SLA: variants seen among roughly 807,000 people sequenced by gnomAD.
The protein encoded by SLA is src-like-adapter.
A neutral mutation model predicts 30.3 loss-of-function variants in SLA; 16 were observed. That is an observed-to-expected ratio of 0.53 (90% CI 0.36 to 0.80). SLA has a LOEUF of 0.80. Ranked by LOEUF, SLA falls within the 30% of genes least tolerant of loss-of-function variation. The probability of loss-of-function intolerance (pLI) is 0.01; values close to 1 mark genes in which losing one functional copy is unlikely to be tolerated. For missense variants in SLA, 310 were observed against 345.2 expected (o/e 0.90, Z 0.81); for synonymous variants, 143 against 137.8 (o/e 1.04, Z -0.26).
At chr8:133,091,994 T>G (rs1382716453) in intron 1 of SLA, among the ~76,000 whole-genome samples, 1 of 152,202 alleles carries the variant, frequency 6.6e-6, no homozygotes, top group Non-Finnish European at 1.5e-5. Flanking sequence ...TGTCAGTGTC[T>G]GTGTGTGTCC....
At chr8:133,081,366 T>C (rs1189114716) in intron 1 of SLA, among the ~76,000 whole-genome samples, 1 of 152,254 alleles carries the variant, frequency 6.6e-6, no homozygotes, top group Non-Finnish European at 1.5e-5. Flanking sequence ...ACTTTTCACC[T>C]CTGGGGAAGA....
intron 2 of SLA, among the ~76,000 whole-genome samples, chr8:133,071,417 G>A (rs1844011831): frequency 6.6e-6 from 1 of 152,216 alleles, no homozygotes; most frequent in Non-Finnish European, 1.5e-5. Flanking sequence ...GGGATGGAGG[G>A]CAGCTTAAAG....
chr8:133,071,116 C>G (rs1191084090), intron 2 of SLA, among the ~76,000 whole-genome samples: 1 of 152,194 alleles, frequency 6.6e-6, no homozygotes, highest in Non-Finnish European at 1.5e-5. Flanking sequence ...CAGATTGGTG[C>G]CGTCCCTTGA....
intron 1 of SLA, among the ~76,000 whole-genome samples, chr8:133,092,990 A>G (rs1847803046): frequency 6.6e-6 from 1 of 152,166 alleles, no homozygotes; most frequent in Non-Finnish European, 1.5e-5. Flanking sequence ...CGAAGGAAAT[A>G]TTGAAACCGT....
intron 1 of SLA, among the ~76,000 whole-genome samples, chr8:133,075,748 C>G (rs569475121): frequency 6.6e-6 from 1 of 152,102 alleles, no homozygotes; most frequent in East Asian, 1.9e-4. Flanking sequence ...AAACCACAAT[C>G]ATTGTGGCAC....
chr8:133,076,622 T>G (rs538280224), intron 1 of SLA: 1 of 152,266 alleles, frequency 6.6e-6, no homozygotes, highest in East Asian at 1.9e-4. Flanking sequence ...GTCAGAGGTA[T>G]GAGTTTTGTG....
intron 7 of SLA, among the ~76,000 whole-genome samples, chr8:133,040,641 A>C (rs1564103967): frequency 6.6e-6 from 1 of 152,102 alleles, no homozygotes; most frequent in Non-Finnish European, 1.5e-5. Flanking sequence ...ATAGATCTCT[A>C]GGAAGAAAGA....
At position 133,040,127 on chromosome 8, in the gene SLA, A is replaced by T; in HGVS notation, c.488T>A (p.Val163Glu). 6.3e-7 allele frequency: 1 copy of T among 1,577,580 alleles called. No individual in the cohort carries two copies. The highest frequency in any genetic ancestry group is 8.6e-7 in the Non-Finnish European group (1 of 1,161,846). The part of the protein sequence containing the change: ...LEDLVNHYSE[V>E]ADGLCCVLTT... ...GAGCACACAGCACAGGCCATCAGCC[A>T]CCTCTGAGGAGGGAAGCAGACAGCC... The change falls in exon 8 of 9, where the codon GTG becomes GAG. Residue 163 changes from valine to glutamate, a missense_variant. Coordinates refer to ENST00000338087, the MANE Select transcript of SLA (RefSeq NM_001045556.3).
At chr8:133,042,678 CTTTTTTTTTTTTTTTTTTTT>C (rs58739514) in intron 7 of SLA, among the ~76,000 whole-genome samples, 1 of 56,732 alleles carries the variant, frequency 1.8e-5, no homozygotes, top group Non-Finnish European at 3.2e-5. Flanking sequence ...CATTCTGTGT[CTTTTTTTTTTTTTTTTTTTT>C]TTTTTTTTTT....
chr8:133,102,335 G>T, intron 1 of SLA: 1 of 494,286 alleles, frequency 2.0e-6, no homozygotes, highest in Non-Finnish European at 3.7e-6. Flanking sequence ...CAGCTTCCCA[G>T]GGAAGTCACG....
chr8:133,054,996 AT>A, intron 3 of SLA, among the ~76,000 whole-genome samples: 1 of 152,300 alleles, frequency 6.6e-6, no homozygotes, highest in Admixed American at 6.5e-5. Context: ...CCTACAGAAA[AT>A]ACGTGATTAT....
chr8:133,048,674 A>C (rs774450516), intron 5 of SLA: 75 of 158,758 alleles, frequency 4.7e-4, no homozygotes, highest in Admixed American at 9.7e-4. Flanking sequence ...GCATTGATGC[A>C]TGCTTGCTAG....
At chr8:133,040,259 A>G (rs1837965778) in intron 7 of SLA, 129 bp from the exon 8 acceptor site, 2 of 1,006,266 alleles carry the variant, frequency 2.0e-6, no homozygotes, top group South Asian at 1.6e-5. Context: ...TGAGATTTCA[A>G]AGGGGCATGG....
intron 1 of SLA, among the ~76,000 whole-genome samples, chr8:133,092,953 A>G (rs1334434991): frequency 6.6e-6 from 1 of 152,148 alleles, no homozygotes; most frequent in East Asian, 1.9e-4. Flanking sequence ...CTTCCTCACC[A>G]TATCAGGATC....
Position 133,039,987 on chromosome 8 carries a change from A to G in SLA, c.617+11T>C. ...CACACACACACACACACATACACAC[A>G]CCATACTCACCTGGACACTCTCCTC... On this transcript the variant is annotated intron_variant, in intron 8 of 8. Transcript: ENST00000338087. 1 of 1,548,112 alleles carries G rather than the reference A, an allele frequency of 6.5e-7. No individual in the cohort carries two copies. Among genetic ancestry groups the G allele is most frequent in the African/African-American group, 1.4e-5 (1 of 72,462 alleles).
intron 1 of SLA, among the ~76,000 whole-genome samples, chr8:133,093,972 G>A (rs893978902): frequency 6.6e-6 from 1 of 152,160 alleles, no homozygotes. Context: ...TCCATCAGTG[G>A]CAGTAGCAGG....
intron 1 of SLA, among the ~76,000 whole-genome samples, chr8:133,082,632 C>T (rs1172221696): frequency 1.3e-5 from 2 of 152,130 alleles, no homozygotes; most frequent in Admixed American, 1.3e-4. Context: ...CGGAGTCAGG[C>T]CTCTTAAACA....
intron 8 of SLA, among the ~76,000 whole-genome samples, chr8:133,039,635 T>G (rs983243194): frequency 6.6e-6 from 1 of 152,176 alleles, no homozygotes; most frequent in Non-Finnish European, 1.5e-5. Context: ...TGAGTGGGTT[T>G]TAAATAATAT....
intron 1 of SLA, chr8:133,096,083 T>C (rs1415265907): frequency 2.4e-6 from 3 of 1,272,056 alleles, no homozygotes; most frequent in Non-Finnish European, 3.4e-6. Context: ...TCCTGGTCAC[T>C]TTTTCTCAGT....
Sources: gnomAD v4.1 joint callset for allele counts (sites outside exome capture counted in the v4.1 genomes callset) on GRCh38, gnomAD v4.1.1 for gene constraint, MANE v1.5 for transcripts, NCBI Gene and HGNC (gene_info 2026-07-23, HGNC 2026-07-21) for gene names.